The following NT5DC1 variants were observed in gnomAD, a reference collection of about 807,000 sequenced individuals.
NT5DC1 encodes 5'-nucleotidase domain containing 1.
A neutral mutation model predicts 59.4 loss-of-function variants in NT5DC1; 42 were observed. That is an observed-to-expected ratio of 0.71 (90% CI 0.55 to 0.92). The LOEUF (loss-of-function observed/expected upper bound fraction) is 0.92, where lower values mean the gene tolerates loss of function less well. Ranked by LOEUF, NT5DC1 falls within the 40% of genes least tolerant of loss-of-function variation. NT5DC1 has a pLI of 0.00. For missense variants in NT5DC1, 501 were observed against 537.1 expected (o/e 0.93, Z 0.66); for synonymous variants, 172 against 188.1 (o/e 0.91, Z 0.70).
At chr6:116,190,556 G>A (rs1781095528) in intron 6 of NT5DC1, among the ~76,000 whole-genome samples, 1 of 151,942 alleles carries the variant, frequency 6.6e-6, no homozygotes, top group Non-Finnish European at 1.5e-5. Context: ...TTTTTACACA[G>A]CTAAAATTAA....
rs1782011944 is a variant in NT5DC1 at position 116,231,148 on chromosome 6, T to TCCA, written c.803-5816_803-5815insACC. Reference sequence around the variant, plus strand: ...AAAAGAACTATGAATGAATGGTAAATCCCCCCCCCAAACCAAAGTAGATAA... The same window carrying TCCA: ...AAAAGAACTATGAATGAATGGTAAATCCACCCCCCCCCAAACCAAAGTAGATAA... On this transcript the variant is annotated intron_variant, in intron 8 of 11. Transcript: ENST00000319550. 3.4e-5 allele frequency among the ~76,000 whole-genome samples: 4 copies of TCCA among 116,682 alleles called. No individual in the cohort carries two copies. In the South Asian group the frequency reaches 1.3e-3, roughly 37 times the overall value. 76.5% of individuals were successfully genotyped at this position (116,682 alleles called of 152,430 possible).
chr6:116,166,021 G>A (rs1444709126), intron 6 of NT5DC1, among the ~76,000 whole-genome samples: 6 of 152,072 alleles, frequency 3.9e-5, no homozygotes, highest in Non-Finnish European at 5.9e-5. Context: ...TCCTAAATCC[G>A]CACTGACAGC....
intron 6 of NT5DC1, among the ~76,000 whole-genome samples, chr6:116,197,347 C>T (rs969400393): frequency 6.6e-6 from 1 of 151,960 alleles, no homozygotes; most frequent in African/African-American, 2.4e-5. Context: ...ACAAAATCCA[C>T]AAAAAGTCCT....
intron 5 of NT5DC1, among the ~76,000 whole-genome samples, chr6:116,116,908 T>C (rs529973163): frequency 6.6e-6 from 1 of 152,292 alleles, no homozygotes; most frequent in Non-Finnish European, 1.5e-5. Flanking sequence ...AGGTCACTGG[T>C]TAACATTTTC....
chr6:116,236,146 C>A (rs577413327), intron 8 of NT5DC1, among the ~76,000 whole-genome samples: 36 of 152,268 alleles, frequency 2.4e-4, no homozygotes, highest in Non-Finnish European at 4.6e-4. Flanking sequence ...AGAAATCATA[C>A]AGTTGATGTG....
intron 8 of NT5DC1, among the ~76,000 whole-genome samples, chr6:116,224,671 G>A (rs1288187661): frequency 1.3e-5 from 2 of 152,242 alleles, no homozygotes; most frequent in African/African-American, 4.8e-5. Flanking sequence ...TCTAGTAACA[G>A]AGAAGAGACC....
intron 6 of NT5DC1, among the ~76,000 whole-genome samples, chr6:116,132,507 A>G (rs1031007495): frequency 1.3e-5 from 2 of 152,004 alleles, no homozygotes; most frequent in Non-Finnish European, 2.9e-5. Context: ...CTTTTAAGGT[A>G]CATATGTCTT....
intron 6 of NT5DC1, chr6:116,121,939 T>G: frequency 6.2e-7 from 1 of 1,613,202 alleles, no homozygotes; most frequent in East Asian, 2.2e-5. Context: ...CAGGAGTACC[T>G]TGCTCTCCTC....
At chr6:116,121,897 G>A (rs1425697684) in intron 6 of NT5DC1, 1 of 1,613,812 alleles carries the variant, frequency 6.2e-7, no homozygotes, top group Admixed American at 1.7e-5. Flanking sequence ...AAGGACCTGG[G>A]TGCCCTCGAG....
In NT5DC1 at chr6:116,192,793, T is replaced by A. The variant is rs181960148; in HGVS notation, c.530-28261T>A. ...TGTGCACATTTCCTCTATTACGATT[T>A]CCTCCTGGTATTAAGCTGAAACCTG... On this transcript the variant is annotated intron_variant, in intron 6 of 11. Transcript: ENST00000319550. Among the ~76,000 whole-genome samples, 4 of 152,158 alleles carry A rather than the reference T, an allele frequency of 2.6e-5. No individual in the cohort carries two copies. In the South Asian group the frequency reaches 6.2e-4, roughly 24 times the overall value.
chr6:116,213,270 C>G (rs1781618254), intron 6 of NT5DC1, among the ~76,000 whole-genome samples: 1 of 152,054 alleles, frequency 6.6e-6, no homozygotes, highest in African/African-American at 2.4e-5. Context: ...AAGGGGCTCA[C>G]TATGTCTTGC....
intron 6 of NT5DC1, among the ~76,000 whole-genome samples, chr6:116,160,580 G>A (rs1418453259): frequency 6.6e-6 from 1 of 151,852 alleles, no homozygotes; most frequent in East Asian, 1.9e-4. Context: ...TTGTCTATTT[G>A]CTGTGTTATT....
At chr6:116,231,047 A>C (rs1295916045) in intron 8 of NT5DC1, among the ~76,000 whole-genome samples, 1 of 144,382 alleles carries the variant, frequency 6.9e-6, no homozygotes, top group Non-Finnish European at 1.5e-5. Context: ...CAGAGGTTGC[A>C]GTGAGCCGAG....
rs1181035445 is a variant in NT5DC1, at chr6:116,248,537, GGGGAGA to G, written c.*4514_*4519del. 1 of 152,228 alleles carries G rather than the reference GGGGAGA, an allele frequency of 6.6e-6. No individual in the cohort carries two copies. The highest frequency in any genetic ancestry group is 2.4e-5 in the African/African-American group (1 of 41,438). The allele number at this position is 152,228 out of a possible 1,614,324, so 9.4% of individuals were successfully genotyped here. ...ATAAAGCAGCAGCACGAGGAGTAAT[GGGGAGA>G]AGGGCCTGATGAGAAGGTCAGAGAA... On this transcript the variant is annotated 3_prime_UTR_variant, in exon 12 of 12. Coordinates refer to ENST00000319550, the MANE Select transcript of NT5DC1 (RefSeq NM_152729.3).
intron 6 of NT5DC1, among the ~76,000 whole-genome samples, chr6:116,212,663 A>G (rs1166122041): frequency 2.0e-5 from 3 of 152,158 alleles, no homozygotes; most frequent in East Asian, 1.9e-4. Flanking sequence ...AGAAAAATCC[A>G]AAGTTTTTGA....
At chr6:116,241,922 CAAAAAAAAAAAAAAAACAAAACA>C (rs1226431920) in intron 11 of NT5DC1, among the ~76,000 whole-genome samples, 17 of 10,532 alleles carry the variant, frequency 1.6e-3, no homozygotes, top group African/African-American at 9.3e-3. Context: ...GACTCCGTCT[CAAAAAAAAAAAAAAAACAAAACA>C]AAAAAAAAAA....
intron 6 of NT5DC1, among the ~76,000 whole-genome samples, chr6:116,183,999 C>T (rs1780939067): frequency 1.3e-5 from 2 of 151,954 alleles, no homozygotes; most frequent in Admixed American, 6.6e-5. Context: ...GGATTGTTTT[C>T]AACTTTTCCC....
At chr6:116,157,124 A>G (rs1780215383) in intron 6 of NT5DC1, among the ~76,000 whole-genome samples, 1 of 152,228 alleles carries the variant, frequency 6.6e-6, no homozygotes, top group African/African-American at 2.4e-5. Context: ...GTATGAGAAT[A>G]TGGAAAACAA....
At chr6:116,207,614 A>C (rs1286724019) in intron 6 of NT5DC1, among the ~76,000 whole-genome samples, 2 of 151,940 alleles carry the variant, frequency 1.3e-5, no homozygotes, top group Non-Finnish European at 2.9e-5. Flanking sequence ...AACTTGTTGC[A>C]TTAGATTGGA....
Sources: gnomAD v4.1 joint callset for allele counts (sites outside exome capture counted in the v4.1 genomes callset) on GRCh38, gnomAD v4.1.1 for gene constraint, MANE v1.5 for transcripts, NCBI Gene and HGNC (gene_info 2026-07-23, HGNC 2026-07-21) for gene names.